Variants in RASSF3 observed in about 807,000 individuals in gnomAD.
The protein encoded by RASSF3 is Ras association domain family member 3, also known as ras association domain-containing protein 3.
Under a neutral mutation model 19.9 loss-of-function variants are expected in RASSF3, and 19 were observed. The observed-to-expected ratio is 0.96, with a 90% CI of 0.67 to 1.40. The LOEUF is 1.40. Ranked by LOEUF, RASSF3 falls within the 40% of genes most tolerant of loss-of-function variation. The pLI is 0.00. For missense variants in RASSF3, 306 were observed against 289.8 expected (o/e 1.06, Z -0.41); for synonymous variants, 110 against 104.2 (o/e 1.06, Z -0.34).
chr12:64,543,437 C>CCCTGCT (rs1868983051), downstream of RASSF3, among the ~76,000 whole-genome samples: 1 of 46,584 alleles, frequency 2.1e-5, no homozygotes, highest in Non-Finnish European at 4.1e-5. Context: ...CCGCCCGCCC[C>CCCTGCT]CCCCGTGCCC....
At chr12:64,516,550 C>T (rs1392731206) in intron 1 of RASSF3, among the ~76,000 whole-genome samples, 7 of 145,438 alleles carry the variant, frequency 4.8e-5, no homozygotes, top group Admixed American at 2.8e-4. Context: ...ACCCGGGAGG[C>T]GGAGCTTGCA....
intron 2 of RASSF3, among the ~76,000 whole-genome samples, chr12:64,576,705 T>A (rs577931328): frequency 1.2e-4 from 18 of 151,896 alleles, no homozygotes; most frequent in African/African-American, 4.1e-4. Context: ...ACAAAAATTA[T>A]CAGGGTATGG....
chr12:64,583,028 CT>C (rs1406851700), intron 2 of RASSF3, among the ~76,000 whole-genome samples: 2 of 152,124 alleles, frequency 1.3e-5, no homozygotes, highest in African/African-American at 2.4e-5. Flanking sequence ...AAAGAGAGCC[CT>C]GTACCTTTTG....
chr12:64,682,820 C>T (rs776011277), intron 1 of RASSF3, among the ~76,000 whole-genome samples: 5 of 152,144 alleles, frequency 3.3e-5, no homozygotes, highest in Non-Finnish European at 5.9e-5. Flanking sequence ...CAGAAAGAGG[C>T]GTGTTTACAA....
At chr12:64,582,535 G>T (rs1466049630) in intron 2 of RASSF3, among the ~76,000 whole-genome samples, 1 of 152,204 alleles carries the variant, frequency 6.6e-6, no homozygotes, top group Non-Finnish European at 1.5e-5. Flanking sequence ...AAGACATTCA[G>T]ATTGGAAACA....
intron 2 of RASSF3, among the ~76,000 whole-genome samples, chr12:64,567,157 G>T (rs926852859): frequency 6.6e-6 from 1 of 152,188 alleles, no homozygotes; most frequent in Admixed American, 6.5e-5. Flanking sequence ...ACAAAGGCGT[G>T]GGTGACCACA....
At chr12:64,544,565 T>A (rs1465201874), downstream of RASSF3, among the ~76,000 whole-genome samples, 2 of 151,560 alleles carry the variant, frequency 1.3e-5, no homozygotes, top group East Asian at 3.9e-4. Flanking sequence ...TGCAGTGAGC[T>A]GGGACCCGCA....
downstream of RASSF3, among the ~76,000 whole-genome samples, chr12:64,544,907 T>C (rs1486761908): frequency 6.6e-6 from 1 of 152,222 alleles, no homozygotes; most frequent in African/African-American, 2.4e-5. Flanking sequence ...GTAATAGCTG[T>C]TTAGAAGAGT....
At chr12:64,556,424 C>G (rs894651937) in intron 2 of RASSF3, among the ~76,000 whole-genome samples, 1 of 152,144 alleles carries the variant, frequency 6.6e-6, no homozygotes, top group African/African-American at 2.4e-5. Flanking sequence ...TCTCAAAGTG[C>G]TGGGATTACA....
At chr12:64,606,357 ATG>A (rs1870193092), upstream of RASSF3, among the ~76,000 whole-genome samples, 2 of 152,198 alleles carry the variant, frequency 1.3e-5, no homozygotes, top group African/African-American at 2.4e-5. Context: ...TGAGTGATGA[ATG>A]TTAAGTATGC....
chr12:64,646,316 A>G (rs1443523610), intron 1 of RASSF3, among the ~76,000 whole-genome samples: 1 of 152,188 alleles, frequency 6.6e-6, no homozygotes, highest in African/African-American at 2.4e-5. Flanking sequence ...AGACTGACGT[A>G]CATGCCCACT....
chr12:64,557,470 G>A (rs2136123907), intron 2 of RASSF3, among the ~76,000 whole-genome samples: 1 of 152,268 alleles, frequency 6.6e-6, no homozygotes, highest in Admixed American at 6.5e-5. Flanking sequence ...TCTCACAGGA[G>A]TTCATAGTAC....
intron 1 of RASSF3, among the ~76,000 whole-genome samples, chr12:64,676,161 G>A (rs1592463216): frequency 7.1e-6 from 1 of 140,610 alleles, no homozygotes; most frequent in Non-Finnish European, 1.5e-5. Context: ...TCCTTCAGGA[G>A]TAGAATTTTT....
chr12:64,522,015 T>A (rs1882268), intron 1 of RASSF3, among the ~76,000 whole-genome samples: 64,585 of 152,038 alleles, frequency 0.42, 14,067 homozygotes, highest in Middle Eastern at 0.54. Flanking sequence ...ACAACGCTCA[T>A]CTTGTGAAGC....
chr12:64,621,844 C>G (rs1301257188), intron 1 of RASSF3, among the ~76,000 whole-genome samples: 1 of 152,138 alleles, frequency 6.6e-6, no homozygotes, highest in African/African-American at 2.4e-5. Flanking sequence ...CTTATTACTC[C>G]TGTAGTTACA....
At chr12:64,652,781 T>A (rs1231589262) in intron 1 of RASSF3, among the ~76,000 whole-genome samples, 2 of 152,230 alleles carry the variant, frequency 1.3e-5, no homozygotes, top group African/African-American at 2.4e-5. Flanking sequence ...TGGGAAATGT[T>A]GATTTTGTTT....
At chr12:64,541,159 T>C (rs1868927256) in intron 1 of RASSF3, among the ~76,000 whole-genome samples, 1 of 151,918 alleles carries the variant, frequency 6.6e-6, no homozygotes, top group Non-Finnish European at 1.5e-5. Context: ...CTGATTTTTG[T>C]ATTTTTAACA....
intron 2 of RASSF3, among the ~76,000 whole-genome samples, chr12:64,564,238 A>G (rs1869392687): frequency 6.6e-6 from 1 of 152,190 alleles, no homozygotes; most frequent in Admixed American, 6.5e-5. Flanking sequence ...AGTCTGCATA[A>G]TTTCTAAAGA....
intron 1 of RASSF3, among the ~76,000 whole-genome samples, chr12:64,613,884 G>A (rs1349813339): frequency 1.3e-5 from 2 of 152,080 alleles, no homozygotes; most frequent in Non-Finnish European, 2.9e-5. Flanking sequence ...GGAGGCAGAG[G>A]TTGCAGTGAG....
Sources: allele counts gnomAD v4.1 joint callset (sites outside exome capture counted in the v4.1 genomes callset), GRCh38; gene constraint gnomAD v4.1.1; transcripts MANE v1.5; gene names NCBI Gene and HGNC (gene_info 2026-07-23, HGNC 2026-07-21).